The following SPACA6 variants were observed in gnomAD, a reference collection of about 807,000 sequenced individuals.
SPACA6 encodes sperm acrosome membrane-associated protein 6.
For synonymous variants in SPACA6, 6 were observed against 1.5 expected (o/e 4.05, Z -2.21); for missense variants, 8 against 2.8 (o/e 2.88, Z -1.34).
intron 2 of SPACA6, among the ~76,000 whole-genome samples, chr19:51,711,609 T>A (rs1037428372): frequency 1.4e-4 from 22 of 152,230 alleles, no homozygotes; most frequent in African/African-American, 4.8e-4. Context: ...AGTAGCATCA[T>A]TCATACAGCC....
intron 2 of SPACA6, among the ~76,000 whole-genome samples, chr19:51,711,394 T>C (rs1395216500): frequency 6.6e-6 from 1 of 152,168 alleles, no homozygotes; most frequent in Non-Finnish European, 1.5e-5. Context: ...TAATACAAAA[T>C]GTAGCAAGGG....
At chr19:51,694,160 T>C (rs1239121133) in intron 1 of SPACA6, 2 of 276,816 alleles carry the variant, frequency 7.2e-6, no homozygotes, top group Non-Finnish European at 1.3e-5. Flanking sequence ...GGAGAGGGAA[T>C]AGAGACCCAG....
upstream of SPACA6, chr19:51,687,373 A>AATTAACTG (rs1256112372): frequency 1.3e-5 from 2 of 152,038 alleles, no homozygotes; most frequent in African/African-American, 4.8e-5. Flanking sequence ...CCAATCTCCC[A>AATTAACTG]ATTAACTGAA....
At chr19:51,704,531 G>C (rs879086294) in intron 8 of SPACA6, 51 bp downstream of exon 8, 9 of 400,812 alleles carry the variant, frequency 2.2e-5, no homozygotes, top group African/African-American at 1.0e-4. Flanking sequence ...CGCTGTCTCA[G>C]ATCCCACCGA....
At chr19:51,691,717 G>T (rs894675829), upstream of SPACA6, among the ~76,000 whole-genome samples, 1 of 151,688 alleles carries the variant, frequency 6.6e-6, no homozygotes, top group Non-Finnish European at 1.5e-5. Context: ...CGGAAGGTGC[G>T]CCTGGAGCAG....
At chr19:51,710,472 TG>T (rs1205441298) in intron 2 of SPACA6, among the ~76,000 whole-genome samples, 3 of 152,112 alleles carry the variant, frequency 2.0e-5, no homozygotes, top group Non-Finnish European at 2.9e-5. Context: ...GATAGACTGA[TG>T]GAGGAGCAGG....
rs1408491761 is a variant in SPACA6 at position 51,701,919 on chromosome 19, A to C, written c.361+193A>C. 3 of 348,858 alleles carry C rather than the reference A, an allele frequency of 8.6e-6. No individual in the cohort carries two copies. The Admixed American group carries it at 1.4e-4, about 17-fold the overall frequency. 21.6% of individuals were successfully genotyped at this position (348,858 alleles called of 1,614,324 possible). On this transcript the variant is annotated intron_variant, in intron 3 of 8. Transcript: ENST00000637797. ...GATACCCATATCTACTAAAGATACT[A>C]AAATTAGCTGGGCGTGGTAACGCAT...
intron 2 of SPACA6, among the ~76,000 whole-genome samples, chr19:51,698,753 C>T (rs961616136): frequency 3.9e-5 from 6 of 152,324 alleles, no homozygotes; most frequent in African/African-American, 7.2e-5. Flanking sequence ...TCACAGAGGA[C>T]GCTTTCCCCT....
chr19:51,690,228 T>C (rs913468036), upstream of SPACA6, among the ~76,000 whole-genome samples: 23 of 151,258 alleles, frequency 1.5e-4, no homozygotes, highest in African/African-American at 5.4e-4. Context: ...CCAGCCCCCT[T>C]TTTTCCAGGA....
At chr19:51,706,527 T>A (rs2083516475), downstream of SPACA6, among the ~76,000 whole-genome samples, 1 of 152,166 alleles carries the variant, frequency 6.6e-6, no homozygotes, top group Non-Finnish European at 1.5e-5. Context: ...TTGAAATGAC[T>A]TTCCTCTGAG....
At position 51,693,332 on chromosome 19, in the gene SPACA6, G is replaced by T; in HGVS notation, c.-195G>T. ...CAGGTGAGGTTCTTGGGAGCCTGGC[G>T]TCTGGCCCAACCACACACCTGGGGA... On this transcript the variant is annotated 5_prime_UTR_variant, in exon 1 of 9. Transcript: ENST00000637797. 1 of 749,778 alleles carries T rather than the reference G, an allele frequency of 1.3e-6. No individual in the cohort carries two copies. The allele number at this position is 749,778 out of a possible 1,614,324, so 46.4% of individuals were successfully genotyped here. A position where few individuals can be genotyped will look rare whatever the true frequency, so the allele number is the denominator to read the frequency against.
downstream of SPACA6, among the ~76,000 whole-genome samples, chr19:51,709,531 CAAAA>C (rs56170768): frequency 8.4e-4 from 46 of 54,464 alleles, no homozygotes; most frequent in African/African-American, 2.9e-3. Context: ...AAAAAAAAGG[CAAAA>C]AAAAAAAAAA....
upstream of SPACA6, among the ~76,000 whole-genome samples, chr19:51,690,646 C>T (rs1279927876): frequency 6.6e-6 from 1 of 152,140 alleles, no homozygotes. Context: ...GAGCCTACCC[C>T]TTCCCCAAAG....
intron 2 of SPACA6, among the ~76,000 whole-genome samples, chr19:51,697,340 G>A (rs2083437507): frequency 6.6e-6 from 1 of 152,218 alleles, no homozygotes; most frequent in African/African-American, 2.4e-5. Context: ...GCTTGGACCA[G>A]TCACAGTGGT....
chr19:51,697,473 C>T (rs1048362577), intron 2 of SPACA6, among the ~76,000 whole-genome samples: 24 of 152,204 alleles, frequency 1.6e-4, no homozygotes, highest in African/African-American at 5.3e-4. Flanking sequence ...TATTAAGTAT[C>T]TTCCTAAAGG....
chr19:51,692,568 G>C (rs376003764), upstream of SPACA6: 1 of 508,238 alleles, frequency 2.0e-6, no homozygotes, highest in Admixed American at 2.3e-5. This position sits in a 1 kb window ranked among gnomAD's most constrained non-coding sequence, Gnocchi z 5.6. Flanking sequence ...GGACTCCTGG[G>C]TTCCTTGGGG....
chr19:51,684,246 G>C (rs1338117719), upstream of SPACA6, among the ~76,000 whole-genome samples: 1 of 152,148 alleles, frequency 6.6e-6, no homozygotes, highest in Non-Finnish European at 1.5e-5. Flanking sequence ...GATGGCAGCT[G>C]ACGGACTTGC....
At chr19:51,707,621 A>G (rs1335950233), downstream of SPACA6, among the ~76,000 whole-genome samples, 1 of 152,168 alleles carries the variant, frequency 6.6e-6, no homozygotes. Context: ...CCCGGACACC[A>G]GTTGAGTGTC....
intron 2 of SPACA6, among the ~76,000 whole-genome samples, chr19:51,699,942 T>G (rs1190879999): frequency 6.6e-6 from 1 of 152,022 alleles, no homozygotes; most frequent in Non-Finnish European, 1.5e-5. Context: ...CCCATACAAT[T>G]TGGAGGCCAT....
Sources: gnomAD v4.1 joint callset for allele counts (sites outside exome capture counted in the v4.1 genomes callset) on GRCh38, gnomAD v4.1.1 for gene constraint, Gnocchi (gnomAD v3.1) non-coding constraint, MANE v1.5 for transcripts, NCBI Gene and HGNC (gene_info 2026-07-23, HGNC 2026-07-21) for gene names.